PCNX2: variants seen among roughly 807,000 people sequenced by gnomAD.
PCNX2 encodes pecanex 2.
A neutral mutation model predicts 223.8 loss-of-function variants in PCNX2; 168 were observed. The ratio of observed to expected loss-of-function variants is 0.75; its 90% confidence interval spans 0.66 to 0.85. The LOEUF (loss-of-function observed/expected upper bound fraction) is 0.85. Ranked by LOEUF, PCNX2 falls within the 40% of genes least tolerant of loss-of-function variation. PCNX2 has a pLI of 0.00. For synonymous variants in PCNX2, 1,006 were observed against 1,052.6 expected (o/e 0.96, Z 0.86); for missense variants, 2,507 against 2,675.5 (o/e 0.94, Z 1.39).
intron 15 of PCNX2, 90 bp from the exon 16 acceptor site, chr1:233,179,265 C>A: frequency 7.6e-7 from 1 of 1,321,830 alleles, no homozygotes; most frequent in South Asian, 1.3e-5. Flanking sequence ...CCCCAAGGTC[C>A]AGCTGGATGG....
chr1:233,218,728 C>T (rs1416297237), intron 10 of PCNX2, among the ~76,000 whole-genome samples: 2 of 152,006 alleles, frequency 1.3e-5, no homozygotes, highest in Non-Finnish European at 2.9e-5. Context: ...GTTATTGAAG[C>T]AAATAAAATC....
intron 15 of PCNX2, among the ~76,000 whole-genome samples, chr1:233,192,255 T>C (rs1448753140): frequency 2.6e-5 from 4 of 152,166 alleles, no homozygotes; most frequent in Non-Finnish European, 2.9e-5. Context: ...TGATAGGACA[T>C]GATGAGACCT....
intron 9 of PCNX2, among the ~76,000 whole-genome samples, chr1:233,236,262 T>A (rs754268184): frequency 6.6e-6 from 1 of 152,024 alleles, no homozygotes; most frequent in Admixed American, 6.6e-5. Context: ...TAACCTCCCA[T>A]GTTATCTCTG....
chr1:233,258,684 G>A lies in PCNX2; in HGVS notation c.1178C>T (p.Ser393Phe), dbSNP rs1204817622. Residue 393 changes from serine (S) to phenylalanine (F), a missense_variant, in exon 5 of 34, where the codon TCC becomes TTC. Physicochemically the swap from Ser to Phe is radical, Grantham distance 155. Around this residue, in one of 3 missense-constraint regions of PCNX2, gnomAD observed 1,031 missense variants for 1,021.7 expected, o/e 1.01. Coordinates refer to ENST00000258229, the MANE Select transcript of PCNX2 (RefSeq NM_014801.4). ...TGTGCCAACCACCCTCAGGTGGAGGGAGCTTTCCAAATCTGTCATGGAGTT... is the reference window on the plus strand; with the variant it reads ...TGTGCCAACCACCCTCAGGTGGAGGAAGCTTTCCAAATCTGTCATGGAGTT... ...TPNSMTDLES[S>F]LHLRVVGTEK... 2 of 1,613,878 alleles carry A rather than the reference G, an allele frequency of 1.2e-6. No homozygotes were observed. Among genetic ancestry groups the A allele is most frequent in the East Asian group, 2.2e-5 (1 of 44,876 alleles).
intron 24 of PCNX2, among the ~76,000 whole-genome samples, chr1:233,055,378 A>C (rs74775583): frequency 6.6e-6 from 1 of 152,042 alleles, no homozygotes; most frequent in Non-Finnish European, 1.5e-5. Context: ...AGCAAAGAAG[A>C]TGGAATGATG....
intron 9 of PCNX2, chr1:233,232,846 T>C (rs1184458827): frequency 1.0e-6 from 1 of 985,450 alleles, no homozygotes; most frequent in Non-Finnish European, 1.2e-6. Context: ...AATGCAATGC[T>C]TGACCGTCAT....
chr1:233,061,392 C>T (rs1672399175), intron 23 of PCNX2, among the ~76,000 whole-genome samples: 1 of 152,186 alleles, frequency 6.6e-6, no homozygotes. Context: ...ACTCTGCTGT[C>T]ACCACGCAGC....
chr1:233,160,968 T>G (rs568459917), intron 18 of PCNX2, among the ~76,000 whole-genome samples: 2 of 152,300 alleles, frequency 1.3e-5, no homozygotes, highest in Admixed American at 1.3e-4. Context: ...GCCCACCATA[T>G]GACTATTAAC....
intron 28 of PCNX2, 113 bp downstream of exon 28, chr1:233,014,552 A>G: frequency 1.3e-6 from 1 of 758,094 alleles, no homozygotes; most frequent in East Asian, 2.6e-5. Context: ...GAACTATCTG[A>G]AAGTAGTATA....
intron 23 of PCNX2, among the ~76,000 whole-genome samples, chr1:233,059,394 T>G (rs1672320979): frequency 6.6e-6 from 1 of 152,176 alleles, no homozygotes; most frequent in African/African-American, 2.4e-5. Flanking sequence ...GCCTCAAAAC[T>G]ACCCTCTGAG....
chr1:233,176,255 A>C (rs554086117), intron 17 of PCNX2, among the ~76,000 whole-genome samples: 62 of 152,352 alleles, frequency 4.1e-4, no homozygotes, highest in African/African-American at 1.5e-3. Context: ...ATCTGCTAAA[A>C]GAACTTTTGA....
At chr1:233,263,537 C>G (rs12132754) in intron 1 of PCNX2, among the ~76,000 whole-genome samples, 44,903 of 150,004 alleles carry the variant, frequency 0.3, 6,901 homozygotes, top group South Asian at 0.45. Flanking sequence ...CTCACTGCAA[C>G]CTCCGCCTCC....
chr1:233,316,830 A>C, the PCNX2 span, among the ~76,000 whole-genome samples: 3 of 152,094 alleles, frequency 2.0e-5, no homozygotes, highest in Non-Finnish European at 4.4e-5. Context: ...ACTCCTCTTA[A>C]TGTTTATAAA....
At chr1:233,286,400 T>C (rs532440639) in intron 1 of PCNX2, among the ~76,000 whole-genome samples, 29 of 152,106 alleles carry the variant, frequency 1.9e-4, no homozygotes, top group Admixed American at 1.5e-3. Context: ...GATTCCCTCC[T>C]AGAAAAGGTG....
intron 25 of PCNX2, among the ~76,000 whole-genome samples, chr1:233,048,658 C>T (rs1183663282): frequency 6.6e-6 from 1 of 152,050 alleles, no homozygotes; most frequent in Non-Finnish European, 1.5e-5. Context: ...GAACTGAAAT[C>T]AGAGCAGAAC....
chr1:233,246,602 T>C (rs1483489876), intron 8 of PCNX2, among the ~76,000 whole-genome samples: 1 of 152,226 alleles, frequency 6.6e-6, no homozygotes, highest in African/African-American at 2.4e-5. Flanking sequence ...TGGCTGTTAC[T>C]ACCCGAACTA....
intron 25 of PCNX2, among the ~76,000 whole-genome samples, chr1:233,048,855 G>C (rs1037913611): frequency 7.9e-5 from 12 of 152,042 alleles, no homozygotes; most frequent in African/African-American, 2.9e-4. Context: ...GAATACAAAA[G>C]ATCTTCAGAG....
intron 22 of PCNX2, among the ~76,000 whole-genome samples, chr1:233,090,537 T>C (rs1299154494): frequency 6.6e-6 from 1 of 152,220 alleles, no homozygotes; most frequent in Non-Finnish European, 1.5e-5. Context: ...TGCTAAAGTA[T>C]CAAGTAGCTT....
intron 17 of PCNX2, among the ~76,000 whole-genome samples, chr1:233,166,556 C>T (rs1021973943): frequency 1.3e-5 from 2 of 152,130 alleles, no homozygotes; most frequent in African/African-American, 4.8e-5. Flanking sequence ...CCCAGCTGCA[C>T]ATGATAAAAA....
Sources: gnomAD v4.1 joint callset for allele counts (sites outside exome capture counted in the v4.1 genomes callset) on GRCh38, gnomAD v4.1.1 for gene constraint, gnomAD v4.1.1 regional missense constraint, MANE v1.5 for transcripts, NCBI Gene and HGNC (gene_info 2026-07-23, HGNC 2026-07-21) for gene names.